The following SIGLECL1 variants were observed in gnomAD, a reference collection of about 807,000 sequenced individuals.
The protein encoded by SIGLECL1 is SIGLEC family-like protein 1.
Under a neutral mutation model 19.1 loss-of-function variants are expected in SIGLECL1, and 16 were observed. That is an observed-to-expected ratio of 0.84 (90% CI 0.57 to 1.27). The LOEUF (loss-of-function observed/expected upper bound fraction) is 1.27. Among genes scored for constraint, SIGLECL1 ranks in the 50% most tolerant of loss-of-function variants. The probability of loss-of-function intolerance (pLI) is 0.00; values close to 1 mark genes in which losing one functional copy is unlikely to be tolerated. For synonymous variants in SIGLECL1, 89 were observed against 90.4 expected, an observed-to-expected ratio of 0.98 and a Z score of 0.09; for missense variants, 210 against 239.4, an observed-to-expected ratio of 0.88 and a Z score of 0.81.
At chr19:51,260,875 CA>C (rs1983161572) in intron 1 of SIGLECL1, among the ~76,000 whole-genome samples, 1 of 152,170 alleles carries the variant, frequency 6.6e-6, no homozygotes, top group Non-Finnish European at 1.5e-5. Context: ...TGTGTGCTTA[CA>C]AAGAAATTGT....
intron 1 of SIGLECL1, chr19:51,257,590 G>A (rs937987153): frequency 6.6e-6 from 1 of 152,142 alleles, no homozygotes; most frequent in African/African-American, 2.4e-5. Context: ...CTTGGCTTCT[G>A]GAAGACACTC....
At chr19:51,248,996 G>A (rs1344524659), upstream of SIGLECL1, among the ~76,000 whole-genome samples, 1 of 152,148 alleles carries the variant, frequency 6.6e-6, no homozygotes, top group East Asian at 1.9e-4. Flanking sequence ...AATTGGGAGA[G>A]CTCAAGTTCA....
chr19:51,248,139 G>A (rs1468745094), upstream of SIGLECL1, among the ~76,000 whole-genome samples: 1 of 151,418 alleles, frequency 6.6e-6, no homozygotes, highest in African/African-American at 2.4e-5. Flanking sequence ...AGGAACTAAG[G>A]AATGGACATT....
At chr19:51,255,014 C>T (rs968197345) in intron 1 of SIGLECL1, among the ~76,000 whole-genome samples, 4 of 151,846 alleles carry the variant, frequency 2.6e-5, no homozygotes, top group African/African-American at 9.7e-5. Flanking sequence ...AATCCCAGCA[C>T]TTTGGGAGGC....
At chr19:51,258,824 C>T (rs1239178236) in intron 1 of SIGLECL1, among the ~76,000 whole-genome samples, 1 of 152,122 alleles carries the variant, frequency 6.6e-6, no homozygotes, top group East Asian at 1.9e-4. Flanking sequence ...CTCAGTGGAG[C>T]ACTCTTAGAA....
chr19:51,260,514 A>G (rs1435722664), intron 1 of SIGLECL1, among the ~76,000 whole-genome samples: 1 of 152,062 alleles, frequency 6.6e-6, no homozygotes, highest in East Asian at 1.9e-4. Context: ...CTTTTTAGCT[A>G]TTTTTAAATA....
Position 51,259,238 on chromosome 19 carries a change from A to C in SIGLECL1, c.-190-4645A>C, listed in dbSNP as rs10439117. 7.6e-3 allele frequency among the ~76,000 whole-genome samples: 1,163 copies of C among 152,330 alleles called. 14 individuals carry two copies. Among genetic ancestry groups the C allele is most frequent in the African/African-American group, 0.027 (1,115 of 41,576 alleles). On this transcript the variant is annotated intron_variant, in intron 1 of 5. Transcript: ENST00000601727. ...GAGATTCAGGCGAAACTTTGGATGA[A>C]AATTGGAATGTTTGGACAGACTATG...
At chr19:51,248,407 C>A (rs977062073), upstream of SIGLECL1, among the ~76,000 whole-genome samples, 2 of 152,154 alleles carry the variant, frequency 1.3e-5, no homozygotes, top group African/African-American at 4.8e-5. Context: ...TCCAAGACCC[C>A]TTCCTCTTTA....
rs563772184 is a variant in SIGLECL1 at position 51,253,229 on chromosome 19, A to G, written c.-191+1684A>G. ...CCAAATGTGAGGTTCTGTTCTACTGACTCATTTAATCTTAACAACAACTCT... is the reference window on the plus strand; with the variant it reads ...CCAAATGTGAGGTTCTGTTCTACTGGCTCATTTAATCTTAACAACAACTCT... On this transcript the variant is annotated intron_variant, in intron 1 of 5. Transcript: ENST00000601727. Among the ~76,000 whole-genome samples, 20 of 152,288 alleles carry G rather than the reference A, an allele frequency of 1.3e-4. No homozygotes were observed. In the South Asian group the frequency reaches 4.1e-3, roughly 32 times the overall value.
rs1983433397 is a variant in SIGLECL1, at chr19:51,263,917, C to T, written c.-156C>T. ...CCTTCACGATGACCAGAGACAGAAG[C>T]CCCTGACTTGGCTAAAGATACTTCT... is the stretch of plus-strand genomic sequence containing the variant. On this transcript the variant is annotated 5_prime_UTR_variant, in exon 2 of 6. Transcript: ENST00000601727. 2 of 829,472 alleles carry T rather than the reference C, an allele frequency of 2.4e-6. No individual in the cohort carries two copies. The highest frequency in any genetic ancestry group is 3.8e-6 in the Non-Finnish European group (2 of 529,866). 51.4% of individuals were successfully genotyped at this position (829,472 alleles called of 1,614,324 possible).
At chr19:51,260,445 T>C (rs1386407842) in intron 1 of SIGLECL1, among the ~76,000 whole-genome samples, 1 of 152,264 alleles carries the variant, frequency 6.6e-6, no homozygotes, top group Non-Finnish European at 1.5e-5. Flanking sequence ...TAGGTTTTTG[T>C]TGCTGTGTAG....
intron 4 of SIGLECL1, 140 bp downstream of exon 4, chr19:51,266,022 G>A: frequency 5.2e-6 from 4 of 771,610 alleles, no homozygotes; most frequent in Non-Finnish European, 8.6e-6. Context: ...TACCAAACAT[G>A]GTCACCACAA....
At chr19:51,266,136 T>A (rs1983651670) in intron 4 of SIGLECL1, among the ~76,000 whole-genome samples, 1 of 152,128 alleles carries the variant, frequency 6.6e-6, no homozygotes, top group Non-Finnish European at 1.5e-5. Flanking sequence ...TTGGCAGCCC[T>A]GGAAAAGGCA....
intron 4 of SIGLECL1, 31 bp downstream of exon 4, chr19:51,265,913 G>C (rs769949536): frequency 6.2e-7 from 1 of 1,608,686 alleles, no homozygotes; most frequent in South Asian, 1.1e-5. Context: ...TCACCCGCAA[G>C]CCTACTACCG....
In SIGLECL1 at chr19:51,254,331, T is replaced by TA. The variant is rs763830054; in HGVS notation, c.-191+2802dup. Among the ~76,000 whole-genome samples the TA allele has an allele frequency of 4.4e-3, 570 of 130,358 alleles. 1 individual carries two copies. The highest frequency in any genetic ancestry group is 7.8e-3 in the African/African-American group (281 of 35,938). 85.5% of individuals were successfully genotyped at this position (130,358 alleles called of 152,430 possible). On this transcript the variant is annotated intron_variant, in intron 1 of 5. Transcript: ENST00000601727. ...GTGACAGGGTGAGACTCCATCTCTT[T>TA]AAAAAAAAAAAAAAAAGGATTGATT...
chr19:51,268,479 C>A, intron 5 of SIGLECL1, 92 bp from the exon 6 acceptor site: 1 of 1,361,502 alleles, frequency 7.3e-7, no homozygotes, highest in Non-Finnish European at 1.1e-6. Context: ...ATTCTGTGCA[C>A]AAGGGGGTGT....
chr19:51,265,333 A>G, intron 2 of SIGLECL1, 35 bp from the exon 3 acceptor site: 5 of 1,566,094 alleles, frequency 3.2e-6, no homozygotes, highest in Non-Finnish European at 4.3e-6. Context: ...GGAAGCCAGG[A>G]TGCCTTGCTG....
chr19:51,254,650 A>T (rs1982695039), intron 1 of SIGLECL1, among the ~76,000 whole-genome samples: 1 of 152,136 alleles, frequency 6.6e-6, no homozygotes, highest in Admixed American at 6.5e-5. Context: ...GGGTTTGGGG[A>T]AACGGGGAGT....
intron 1 of SIGLECL1, among the ~76,000 whole-genome samples, chr19:51,252,750 G>A (rs1194920220): frequency 2.0e-5 from 3 of 152,118 alleles, no homozygotes; most frequent in African/African-American, 7.2e-5. Flanking sequence ...ACTCAGAGAG[G>A]TCTGTTAAAA....
Sources: gnomAD v4.1 joint callset for allele counts (sites outside exome capture counted in the v4.1 genomes callset) on GRCh38, gnomAD v4.1.1 for gene constraint, MANE v1.5 for transcripts, NCBI Gene and HGNC (gene_info 2026-07-23, HGNC 2026-07-21) for gene names.